The following TNPO3 variants were observed in gnomAD, a reference collection of about 807,000 sequenced individuals.
The protein encoded by TNPO3 is transportin 3.
Under a neutral mutation model 122.8 loss-of-function variants are expected in TNPO3, and 65 were observed. That is an observed-to-expected ratio of 0.53 (90% CI 0.43 to 0.65). TNPO3 has a LOEUF of 0.65. Ranked by LOEUF, TNPO3 falls within the 30% of genes least tolerant of loss-of-function variation. TNPO3 has a pLI of 0.00. For synonymous variants in TNPO3, 372 were observed against 411.2 expected, an observed-to-expected ratio of 0.90 and a Z score of 1.15; for missense variants, 850 against 1,136.7, an observed-to-expected ratio of 0.75 and a Z score of 3.63.
intron 1 of TNPO3, among the ~76,000 whole-genome samples, chr7:129,019,909 T>C (rs904506806): frequency 3.3e-5 from 5 of 151,902 alleles, no homozygotes; most frequent in Non-Finnish European, 4.4e-5. Context: ...GACAGGAAAA[T>C]AGCTTGAACT....
chr7:129,003,008 C>T (rs1195688500), intron 5 of TNPO3, among the ~76,000 whole-genome samples: 1 of 141,100 alleles, frequency 7.1e-6, no homozygotes, highest in Non-Finnish European at 1.5e-5. Context: ...CCACTGCACT[C>T]CAGCCCCGGC....
At chr7:129,045,604 A>C (rs930680795) in intron 1 of TNPO3, among the ~76,000 whole-genome samples, 2 of 152,180 alleles carry the variant, frequency 1.3e-5, no homozygotes, top group African/African-American at 4.8e-5. Context: ...ACATCAGTGC[A>C]ATCAATCACT....
chr7:129,031,664 G>C (rs1324043093), intron 1 of TNPO3, among the ~76,000 whole-genome samples: 2 of 152,092 alleles, frequency 1.3e-5, no homozygotes, highest in Non-Finnish European at 2.9e-5. Context: ...AAAAACTGAA[G>C]AGGAAAGAAC....
intron 21 of TNPO3, among the ~76,000 whole-genome samples, chr7:128,961,681 A>T (rs551603746): frequency 1.3e-5 from 2 of 152,236 alleles, no homozygotes; most frequent in South Asian, 4.1e-4. Context: ...TCCTTCCACC[A>T]TATTTCTGAA....
At chr7:129,026,394 A>ATT (rs969403916) in intron 1 of TNPO3, among the ~76,000 whole-genome samples, 1,774 of 94,326 alleles carry the variant, frequency 0.019, 33 homozygotes, top group African/African-American at 0.048. Flanking sequence ...TGACGTTTGA[A>ATT]TTTTTTTTTT....
At chr7:129,047,668 T>C (rs574569515) in intron 1 of TNPO3, among the ~76,000 whole-genome samples, 106 of 152,380 alleles carry the variant, frequency 7.0e-4, no homozygotes, top group South Asian at 1.2e-3. Context: ...ATTCGAACTA[T>C]ACTCAATTAC....
intron 7 of TNPO3, 137 bp downstream of exon 7, chr7:129,000,292 A>G: frequency 9.6e-7 from 1 of 1,039,970 alleles, no homozygotes; most frequent in Non-Finnish European, 1.3e-6. Flanking sequence ...AAAATTCCAA[A>G]ACAGATGAAA....
chr7:129,000,301 A>C, intron 7 of TNPO3, 128 bp downstream of exon 7: 1 of 1,082,800 alleles, frequency 9.2e-7, no homozygotes, highest in Non-Finnish European at 1.3e-6. Context: ...AAACAGATGA[A>C]ATCACATTAA....
intron 1 of TNPO3, among the ~76,000 whole-genome samples, chr7:129,025,709 A>G (rs1805070094): frequency 6.6e-6 from 1 of 152,122 alleles, no homozygotes; most frequent in Non-Finnish European, 1.5e-5. Flanking sequence ...CCTGTGCTCA[A>G]AGTTCTATTT....
chr7:128,959,770 G>A (rs888598944), intron 21 of TNPO3, among the ~76,000 whole-genome samples: 12 of 151,980 alleles, frequency 7.9e-5, no homozygotes, highest in East Asian at 1.9e-4. Context: ...ACCTGTAATC[G>A]CAGCACTTTG....
chr7:129,005,230 A>G, intron 4 of TNPO3, 71 bp from the exon 5 acceptor site: 3 of 1,391,522 alleles, frequency 2.2e-6, no homozygotes, highest in Admixed American at 2.2e-5. Context: ...CAATCACCTT[A>G]CAAGTATAAT....
intron 9 of TNPO3, among the ~76,000 whole-genome samples, chr7:128,992,291 A>G (rs1800828500): frequency 6.6e-6 from 1 of 152,176 alleles, no homozygotes; most frequent in African/African-American, 2.4e-5. Flanking sequence ...AAATAAACCC[A>G]TTTAGACCCG....
chr7:128,997,186 CA>C (rs1214348510), intron 8 of TNPO3, among the ~76,000 whole-genome samples: 1 of 152,144 alleles, frequency 6.6e-6, no homozygotes, highest in Non-Finnish European at 1.5e-5. Context: ...TTTGTAGAGA[CA>C]GGGGATTCCC....
chr7:129,034,002 G>C (rs1448860004), intron 1 of TNPO3, among the ~76,000 whole-genome samples: 3 of 151,348 alleles, frequency 2.0e-5, no homozygotes, highest in African/African-American at 7.3e-5. Context: ...ATAACCAAGA[G>C]ATAGAAGCAA....
Position 129,015,067 on chromosome 7 carries a change from T to C in TNPO3, c.464A>G (p.His155Arg), listed in dbSNP as rs774466499. Residue 155 changes from histidine to arginine, a missense_variant, in exon 4 of 23, where the codon CAT becomes CGT. By Grantham distance (29) the His-to-Arg change is conservative. Transcript: ENST00000265388. ...EILTVLPEEV[H>R]SRSLRIGANR... Reference sequence around the variant, plus strand: ...AGCTCCAATTCGTAAGGAACGACTATGTACTTCTTCAGGTAACACTGTAAG... The same window carrying C: ...AGCTCCAATTCGTAAGGAACGACTACGTACTTCTTCAGGTAACACTGTAAG... The C allele has an allele frequency of 6.2e-7, 1 of 1,612,852 alleles. No homozygotes were observed. The highest frequency in any genetic ancestry group is 8.5e-7 in the Non-Finnish European group (1 of 1,179,798).
At chr7:129,026,395 T>A (rs1045338278) in intron 1 of TNPO3, among the ~76,000 whole-genome samples, 26 of 71,464 alleles carry the variant, frequency 3.6e-4, no homozygotes, top group African/African-American at 2.0e-3. Context: ...GACGTTTGAA[T>A]TTTTTTTTTT....
rs150878916 is a variant in TNPO3, at chr7:128,957,986, C to G, written c.2712-671G>C. Among the ~76,000 whole-genome samples the G allele has an allele frequency of 9.2e-5, 14 of 152,206 alleles. 1 individual carries two copies. The East Asian group carries it at 1.9e-3, about 21-fold the overall frequency. ...CAATATTCAACTGACCCTGTTTTTT[C>G]AAAAGCCCCCCGACCTCCCTTTGTC... On this transcript the variant is annotated intron_variant, in intron 21 of 22. Transcript: ENST00000265388.
At chr7:129,020,884 A>G (rs1266830547) in intron 1 of TNPO3, among the ~76,000 whole-genome samples, 1 of 152,184 alleles carries the variant, frequency 6.6e-6, no homozygotes, top group Non-Finnish European at 1.5e-5. Flanking sequence ...CCCAAAATAT[A>G]AGTGGAAGGA....
chr7:129,046,918 C>G (rs979504844), intron 1 of TNPO3, among the ~76,000 whole-genome samples: 1 of 152,158 alleles, frequency 6.6e-6, no homozygotes, highest in Non-Finnish European at 1.5e-5. Context: ...ATTACCTCTA[C>G]CTGGCCCCAC....
Sources: gnomAD v4.1 joint callset for allele counts (sites outside exome capture counted in the v4.1 genomes callset) on GRCh38, gnomAD v4.1.1 for gene constraint, MANE v1.5 for transcripts, NCBI Gene and HGNC (gene_info 2026-07-23, HGNC 2026-07-21) for gene names.